Variants in SORCS2 observed in about 807,000 individuals in gnomAD.
SORCS2 encodes sortilin related VPS10 domain containing receptor 2.
In SORCS2, 100 loss-of-function variants were observed where a neutral mutation model predicts 141.6. The observed-to-expected ratio is 0.71, with a 90% CI of 0.60 to 0.83. SORCS2 has a LOEUF of 0.83. Ranked by LOEUF, SORCS2 falls within the 40% of genes least tolerant of loss-of-function variation. The pLI is 0.00. For missense variants in SORCS2, 1,646 were observed against 1,560.2 expected (o/e 1.05, Z -0.93); for synonymous variants, 789 against 676.9 (o/e 1.17, Z -2.57).
rs192119489 is a variant in SORCS2, at chr4:7,634,100, C to T, written c.649-4228C>T. Among the ~76,000 whole-genome samples, 2 of 61,784 alleles carry T rather than the reference C, an allele frequency of 3.2e-5. 1 individual carries two copies. Among genetic ancestry groups the T allele is most frequent in the East Asian group, 4.4e-3 (2 of 452 alleles). 40.5% of individuals were successfully genotyped at this position (61,784 alleles called of 152,430 possible). ...AGAACTTTGGGAGGGACAGGCCGGG[C>T]ACCGTGGCTCATGCCTTAATCCTAG... On this transcript the variant is annotated intron_variant, in intron 3 of 26. Coordinates refer to ENST00000507866, the MANE Select transcript of SORCS2 (RefSeq NM_020777.3).
rs188591529 is a variant in SORCS2, at chr4:7,266,621, G to A, written c.480+73495G>A. ...CATCCATTCATTCATCAAGCACTCCGGTGGTTTCCCACAGTGTGAGGATGA... is the reference window on the plus strand; with the variant it reads ...CATCCATTCATTCATCAAGCACTCCAGTGGTTTCCCACAGTGTGAGGATGA... On this transcript the variant is annotated intron_variant, in intron 1 of 26. Transcript: ENST00000507866. Among the ~76,000 whole-genome samples the A allele has an allele frequency of 3.9e-5, 6 of 152,242 alleles. No individual in the cohort carries two copies. In the East Asian group the frequency reaches 7.7e-4, roughly 20 times the overall value.
chr4:7,283,234 A>G (rs939029950), intron 1 of SORCS2, among the ~76,000 whole-genome samples: 1 of 152,220 alleles, frequency 6.6e-6, no homozygotes, highest in Non-Finnish European at 1.5e-5. Flanking sequence ...GTGTGATATG[A>G]CATAAAGCAG....
chr4:7,617,504 C>T (rs1009932493), intron 3 of SORCS2, among the ~76,000 whole-genome samples: 3 of 152,144 alleles, frequency 2.0e-5, no homozygotes, highest in African/African-American at 7.2e-5. Context: ...CGTCAAGGAG[C>T]TCACAGCCCA....
intron 10 of SORCS2, among the ~76,000 whole-genome samples, chr4:7,688,032 C>T (rs773455983): frequency 2.2e-4 from 33 of 152,184 alleles, no homozygotes; most frequent in Non-Finnish European, 3.7e-4. Flanking sequence ...GCCTGTCTGC[C>T]AACTGCGGCC....
chr4:7,418,037 C>T (rs939626234), intron 2 of SORCS2, among the ~76,000 whole-genome samples: 1 of 152,224 alleles, frequency 6.6e-6, no homozygotes, highest in Non-Finnish European at 1.5e-5. Context: ...GGCACTTGGC[C>T]TGTGTCAGGT....
At chr4:7,424,705 A>G (rs1726305928) in intron 2 of SORCS2, among the ~76,000 whole-genome samples, 1 of 152,174 alleles carries the variant, frequency 6.6e-6, no homozygotes, top group Non-Finnish European at 1.5e-5. Flanking sequence ...GGCTCTCAGC[A>G]GGACAAAGCA....
At chr4:7,545,259 T>C (rs1399542614) in intron 3 of SORCS2, among the ~76,000 whole-genome samples, 3 of 151,874 alleles carry the variant, frequency 2.0e-5, no homozygotes, top group African/African-American at 2.4e-5. Flanking sequence ...CTGAAGAGCA[T>C]GCAGAACTGA....
chr4:7,308,504 G>C (rs1013697110), intron 1 of SORCS2, among the ~76,000 whole-genome samples: 2 of 152,126 alleles, frequency 1.3e-5, no homozygotes. Context: ...TCCCCTTCCT[G>C]GGTTTCTAGA....
intron 11 of SORCS2, among the ~76,000 whole-genome samples, chr4:7,694,596 G>C (rs1025871019): frequency 3.9e-5 from 6 of 152,226 alleles, no homozygotes; most frequent in Non-Finnish European, 8.8e-5. Flanking sequence ...CCTGTGATGC[G>C]TGTGTCCCAG....
Position 7,193,270 on chromosome 4 carries a change from G to C in SORCS2, c.480+144G>C. ...GCGACTTGGGCACTTGGGTCACCTC[G>C]GCCGCGCCCCTACTGGCCTCTGGTC... On this transcript the variant is annotated intron_variant, in intron 1 of 26. Coordinates refer to ENST00000507866, the MANE Select transcript of SORCS2 (RefSeq NM_020777.3). This position sits in a 1 kb window ranked among gnomAD's most constrained non-coding sequence, Gnocchi z 4.8. The C allele has an allele frequency of 8.9e-7, 1 of 1,118,326 alleles. No individual in the cohort carries two copies. Among genetic ancestry groups the C allele is most frequent in the East Asian group, 3.2e-5 (1 of 30,936 alleles). The allele number at this position is 1,118,326 out of a possible 1,614,324, so 69.3% of individuals were successfully genotyped here. A position where few individuals can be genotyped will look rare whatever the true frequency, so the allele number is the denominator to read the frequency against.
chr4:7,687,073 A>G (rs1158241287), intron 10 of SORCS2, among the ~76,000 whole-genome samples: 1 of 152,196 alleles, frequency 6.6e-6, no homozygotes, highest in African/African-American at 2.4e-5. Context: ...TGCACGCAGC[A>G]AGTGACCAGA....
intron 1 of SORCS2, among the ~76,000 whole-genome samples, chr4:7,260,586 G>T (rs914416423): frequency 6.6e-6 from 1 of 152,242 alleles, no homozygotes; most frequent in African/African-American, 2.4e-5. Context: ...ATGATCATGG[G>T]CTGTGTTGGA....
intron 3 of SORCS2, among the ~76,000 whole-genome samples, chr4:7,542,788 A>G (rs986614243): frequency 1.3e-5 from 2 of 152,242 alleles, no homozygotes; most frequent in African/African-American, 4.8e-5. Flanking sequence ...TGGGGAGGCC[A>G]AGGCTCACAG....
intron 3 of SORCS2, among the ~76,000 whole-genome samples, chr4:7,543,699 T>C (rs1380921719): frequency 2.2e-4 from 9 of 40,412 alleles, no homozygotes; most frequent in Non-Finnish European, 3.7e-4. Flanking sequence ...CATCCACCCA[T>C]CCATCCATCC....
chr4:7,657,746 A>C (rs1442101219), intron 5 of SORCS2, among the ~76,000 whole-genome samples: 2 of 148,952 alleles, frequency 1.3e-5, no homozygotes, highest in Non-Finnish European at 3.0e-5. Flanking sequence ...CTGTGAGTGA[A>C]TGAGTGAGTG....
chr4:7,454,278 G>A (rs1432957173), intron 2 of SORCS2, among the ~76,000 whole-genome samples: 2 of 132,840 alleles, frequency 1.5e-5, no homozygotes, highest in Admixed American at 1.5e-4. Flanking sequence ...GTCAGGCTCC[G>A]TGTTGGGGTC....
In SORCS2 at chr4:7,664,251, A is replaced by G; in HGVS notation, c.953-102A>G. 1 of 900,698 alleles carries G rather than the reference A, an allele frequency of 1.1e-6. No homozygotes were observed. The highest frequency in any genetic ancestry group is 3.3e-4 in the Middle Eastern group (1 of 3,074). 55.8% of individuals were successfully genotyped at this position (900,698 alleles called of 1,614,324 possible). The stretch of plus-strand genomic sequence containing the variant: ...TTAGAATTCAAGCCCATGAAGCCAC[A>G]CCACAGCGGTATTGGAGGAAGATGG... On this transcript the variant is annotated intron_variant, in intron 6 of 26. Coordinates refer to ENST00000507866, the MANE Select transcript of SORCS2 (RefSeq NM_020777.3). This position sits in a 1 kb window ranked among gnomAD's most constrained non-coding sequence, Gnocchi z 4.7.
intron 3 of SORCS2, among the ~76,000 whole-genome samples, chr4:7,599,392 C>T (rs1054707643): frequency 1.3e-5 from 2 of 152,186 alleles, no homozygotes; most frequent in Non-Finnish European, 2.9e-5. Context: ...CACCGTCCCC[C>T]GCCAAGCCCG....
intron 3 of SORCS2, among the ~76,000 whole-genome samples, chr4:7,586,844 C>T (rs563641417): frequency 2.0e-5 from 3 of 152,206 alleles, no homozygotes; most frequent in South Asian, 2.1e-4. Flanking sequence ...ATATACTCCT[C>T]GGAGATCAGC....
Sources: allele counts gnomAD v4.1 joint callset (sites outside exome capture counted in the v4.1 genomes callset), GRCh38; gene constraint gnomAD v4.1.1; non-coding constraint Gnocchi (gnomAD v3.1); transcripts MANE v1.5; gene names NCBI Gene and HGNC (gene_info 2026-07-23, HGNC 2026-07-21).